The following TBC1D32 variants were observed in gnomAD, a reference collection of about 807,000 sequenced individuals.
The protein encoded by TBC1D32 is protein broad-minded.
A neutral mutation model predicts 170.3 loss-of-function variants in TBC1D32; 151 were observed. The observed-to-expected ratio is 0.89, with a 90% CI of 0.78 to 1.01. The LOEUF is 1.01. TBC1D32 is among the 50% of genes least tolerant of loss of function. TBC1D32 has a pLI of 0.00. For synonymous variants in TBC1D32, 498 were observed against 488.0 expected (o/e 1.02, Z -0.27); for missense variants, 1,464 against 1,457.1 (o/e 1.00, Z -0.08).
chr6:121,277,888 AAG>A (rs1402076345), intron 15 of TBC1D32, among the ~76,000 whole-genome samples: 1 of 151,914 alleles, frequency 6.6e-6, no homozygotes, highest in East Asian at 1.9e-4. Context: ...GAAAAAAAAA[AAG>A]AGAAGACACA....
chr6:121,134,362 T>G (rs1781786167), intron 24 of TBC1D32, among the ~76,000 whole-genome samples: 1 of 152,144 alleles, frequency 6.6e-6, no homozygotes, highest in Admixed American at 6.6e-5. Context: ...TTCTCTCTCC[T>G]TTCACACTTG....
chr6:121,142,921 A>G (rs1396675006), intron 24 of TBC1D32, among the ~76,000 whole-genome samples: 1 of 152,178 alleles, frequency 6.6e-6, no homozygotes, highest in East Asian at 1.9e-4. Context: ...TCACCTTAAC[A>G]GCTCCTAACA....
Position 121,160,907 on chromosome 6 carries a change from G to A in TBC1D32, c.2679+41C>T, listed in dbSNP as rs143242622. On this transcript the variant is annotated intron_variant, in intron 23 of 31. Transcript: ENST00000398212. ...AGTTGGCTATCTTGCTTCAAAATAT[G>A]TCAGAAAAACACATCCCACTTCTCT... 6.3e-4 allele frequency: 953 copies of A among 1,519,598 alleles called. 6 individuals carry two copies. The African/African-American group carries it at 0.012, about 19-fold the overall frequency. 94.1% of individuals were successfully genotyped at this position (1,519,598 alleles called of 1,614,324 possible).
chr6:121,114,745 A>C (rs905694445), intron 27 of TBC1D32, among the ~76,000 whole-genome samples: 4 of 152,194 alleles, frequency 2.6e-5, no homozygotes, highest in African/African-American at 4.8e-5. Context: ...GTTTCTTTTC[A>C]AAATTACAAC....
rs148530890 is a variant in TBC1D32 at position 121,288,155 on chromosome 6, G to A, written c.1372+3898C>T. Among the ~76,000 whole-genome samples the A allele has an allele frequency of 5.0e-3, 760 of 151,844 alleles. 8 individuals carry two copies. The highest frequency in any genetic ancestry group is 0.038 in the South Asian group (181 of 4,814). On this transcript the variant is annotated intron_variant, in intron 12 of 31. Transcript: ENST00000398212. ...GAAGGCAAGAAATAACTAAGACCAG[G>A]GCAGAACTGAAGGAAATAAAGACAC...
At chr6:121,123,716 A>G (rs1582866674) in intron 26 of TBC1D32, among the ~76,000 whole-genome samples, 2 of 152,052 alleles carry the variant, frequency 1.3e-5, no homozygotes, top group Non-Finnish European at 2.9e-5. Context: ...AGAAAAATTC[A>G]GTCTGTTTAC....
chr6:121,109,904 A>G (rs1562510535), intron 29 of TBC1D32, among the ~76,000 whole-genome samples: 1 of 152,074 alleles, frequency 6.6e-6, no homozygotes, highest in Non-Finnish European at 1.5e-5. Flanking sequence ...CAGGGGATCT[A>G]ATATCTTTCA....
rs564449374 is a variant in TBC1D32, at chr6:121,296,683, T to C, written c.1141-2023A>G. ...CCATCATCTTTTGCTTGCACTATTATACAATGTCTTAAACATCGTTTTGCT... is the reference window on the plus strand; with the variant it reads ...CCATCATCTTTTGCTTGCACTATTACACAATGTCTTAAACATCGTTTTGCT... On this transcript the variant is annotated intron_variant, in intron 10 of 31. Coordinates refer to ENST00000398212, the MANE Select transcript of TBC1D32 (RefSeq NM_152730.6). Among the ~76,000 whole-genome samples, 29 of 152,244 alleles carry C rather than the reference T, an allele frequency of 1.9e-4. No homozygotes were observed. The South Asian group carries it at 5.2e-3, about 27-fold the overall frequency.
chr6:121,306,573 A>T (rs1277535645), intron 5 of TBC1D32, among the ~76,000 whole-genome samples: 1 of 152,186 alleles, frequency 6.6e-6, no homozygotes, highest in African/African-American at 2.4e-5. Flanking sequence ...TTTAAAGCCA[A>T]AACTATCTTC....
intron 9 of TBC1D32, among the ~76,000 whole-genome samples, chr6:121,300,225 C>A (rs903454841): frequency 4.6e-5 from 7 of 152,136 alleles, no homozygotes; most frequent in Admixed American, 3.3e-4. Flanking sequence ...GGGCAAATCA[C>A]GAGGTCAGGA....
intron 31 of TBC1D32, among the ~76,000 whole-genome samples, chr6:121,086,627 T>C (rs1776295257): frequency 6.6e-6 from 1 of 152,192 alleles, no homozygotes; most frequent in African/African-American, 2.4e-5. Flanking sequence ...ATGCAAGATT[T>C]AGTTGATGCA....
chr6:121,171,255 T>C (rs1583060112), intron 22 of TBC1D32, among the ~76,000 whole-genome samples: 1 of 149,912 alleles, frequency 6.7e-6, no homozygotes, highest in South Asian at 2.1e-4. Context: ...TTATTATATA[T>C]ATATTATTTG....
rs745461585 is a variant in TBC1D32, at chr6:121,304,737, A to T, written c.769+18T>A. 1.3e-6 allele frequency: 2 copies of T among 1,577,040 alleles called. No individual in the cohort carries two copies. The highest frequency in any genetic ancestry group is 2.7e-5 in the African/African-American group (2 of 73,090). On this transcript the variant is annotated intron_variant, in intron 6 of 31. Transcript: ENST00000398212. ...TGCAAATGACAAAAAACATTTTTAA[A>T]TGTTTTCACAAACATACCTAAGCTT... is the stretch of plus-strand genomic sequence containing the variant.
chr6:121,080,013 T>A lies in TBC1D32; in HGVS notation c.*758A>T, dbSNP rs1775487540. The A allele has an allele frequency of 6.6e-6, 1 of 152,180 alleles. No individual in the cohort carries two copies. Among genetic ancestry groups the A allele is most frequent in the South Asian group, 2.1e-4 (1 of 4,830 alleles). 9.4% of individuals were successfully genotyped at this position (152,180 alleles called of 1,614,324 possible). ...CCATGGTAAATAGTATCATTGTTCT[T>A]CCACATGTAAAAGAAGCAGCTGTAG... On this transcript the variant is annotated 3_prime_UTR_variant, in exon 32 of 32. Transcript: ENST00000398212.
intron 22 of TBC1D32, among the ~76,000 whole-genome samples, chr6:121,176,361 T>A (rs1042636930): frequency 6.6e-6 from 1 of 152,140 alleles, no homozygotes; most frequent in African/African-American, 2.4e-5. Context: ...ATTTCTAACC[T>A]GTTTGAACAG....
At chr6:121,082,122 A>G (rs1034529861) in intron 31 of TBC1D32, among the ~76,000 whole-genome samples, 2 of 152,040 alleles carry the variant, frequency 1.3e-5, no homozygotes, top group Admixed American at 1.3e-4. Flanking sequence ...TATTATACGT[A>G]AGGTTCTTGA....
At position 121,120,227 on chromosome 6, in the gene TBC1D32, A is replaced by G. The variant is rs558204703; in HGVS notation, c.2984-4986T>C. 1.1e-4 allele frequency among the ~76,000 whole-genome samples: 17 copies of G among 152,222 alleles called. No homozygotes were observed. In the South Asian group the frequency reaches 1.9e-3, roughly 17 times the overall value. Reference sequence around the variant, plus strand: ...TTCAGCTGGAACCTTTAAGGAATTTAAATCCGCATTCAGGGTTTATCTGCC... The same window carrying G: ...TTCAGCTGGAACCTTTAAGGAATTTGAATCCGCATTCAGGGTTTATCTGCC... On this transcript the variant is annotated intron_variant, in intron 26 of 31. Transcript: ENST00000398212.
At chr6:121,099,672 A>G (rs891659615) in intron 30 of TBC1D32, among the ~76,000 whole-genome samples, 1 of 151,914 alleles carries the variant, frequency 6.6e-6, no homozygotes. Context: ...AGCTGTTTTC[A>G]TATTTTATAA....
At chr6:121,186,357 A>G (rs992964029) in intron 22 of TBC1D32, among the ~76,000 whole-genome samples, 2 of 152,034 alleles carry the variant, frequency 1.3e-5, no homozygotes, top group African/African-American at 2.4e-5. Context: ...GTAAAAATTG[A>G]TGGAAGACTA....
Sources: gnomAD v4.1 joint callset for allele counts (sites outside exome capture counted in the v4.1 genomes callset) on GRCh38, gnomAD v4.1.1 for gene constraint, MANE v1.5 for transcripts, NCBI Gene and HGNC (gene_info 2026-07-23, HGNC 2026-07-21) for gene names.